CILK1: variants seen among roughly 807,000 people sequenced by gnomAD.
CILK1 encodes the protein ciliogenesis associated kinase 1.
In CILK1, 47 loss-of-function variants were observed where a neutral mutation model predicts 79.2. That is an observed-to-expected ratio of 0.59 (90% CI 0.47 to 0.76). CILK1 has a LOEUF of 0.76. Ranked by LOEUF, CILK1 falls within the 30% of genes least tolerant of loss-of-function variation. The pLI is 0.00. For missense variants in CILK1, 660 were observed against 769.5 expected (o/e 0.86, Z 1.68); for synonymous variants, 266 against 275.9 (o/e 0.96, Z 0.36).
In CILK1 at chr6:53,018,315, G is replaced by T; in HGVS notation, c.663+15C>A. ...TGTTGGCTTTGGCCCACTGGCCTTT[G>T]TTTTGTATCATTACCTTTTTTGGTG... On this transcript the variant is annotated intron_variant, in intron 7 of 13. Coordinates refer to ENST00000676107, the MANE Select transcript of CILK1 (RefSeq NM_014920.5). The T allele has an allele frequency of 5.6e-6, 9 of 1,613,694 alleles. No homozygotes were observed. The highest frequency in any genetic ancestry group is 6.8e-6 in the Non-Finnish European group (8 of 1,179,680).
At chr6:53,011,513 C>T (rs1327439387) in intron 11 of CILK1, among the ~76,000 whole-genome samples, 18 of 152,084 alleles carry the variant, frequency 1.2e-4, no homozygotes, top group African/African-American at 1.4e-4. Context: ...TCAGGAGAAT[C>T]GCTTGAACCC....
intron 4 of CILK1, among the ~76,000 whole-genome samples, 199 bp downstream of exon 4, chr6:53,032,334 G>A (rs781751493): frequency 2.6e-5 from 4 of 151,270 alleles, no homozygotes; most frequent in Non-Finnish European, 4.4e-5. Flanking sequence ...CACCAGCATG[G>A]CACATGTATA....
At chr6:53,032,821 T>G (rs1215171805) in intron 3 of CILK1, among the ~76,000 whole-genome samples, 167 bp from the exon 4 acceptor site, 1 of 152,214 alleles carries the variant, frequency 6.6e-6, no homozygotes, top group Non-Finnish European at 1.5e-5. Flanking sequence ...CCTCTGAAAT[T>G]TATAATAACT....
Position 53,006,437 on chromosome 6 carries a change from A to G in CILK1, c.1622T>C (p.Val541Ala), listed in dbSNP as rs2127399626. ...ACTAGAACTTGTAGAGCTGGAACCA[A>G]CTGATTTGCAAAAGCAAAAAGCTCA... ...TMSVISKVNSVGSSSTSSSGL... is the reference protein window; with the variant it reads ...TMSVISKVNSAGSSSTSSSGL... Residue 541 changes from valine (V) to alanine (A), a missense_variant and splice_region_variant, in exon 13 of 14, where the codon GTT (valine) becomes GCT (alanine). Val to Ala is a moderately conservative substitution (Grantham distance 64). Coordinates refer to ENST00000676107, the MANE Select transcript of CILK1 (RefSeq NM_014920.5). The G allele has an allele frequency of 1.2e-6, 2 of 1,613,724 alleles. No homozygotes were observed. Among genetic ancestry groups the G allele is most frequent in the African/African-American group, 2.7e-5 (2 of 75,060 alleles).
chr6:53,019,166 A>C (rs547073136), intron 6 of CILK1, 61 bp downstream of exon 6: 2 of 1,482,140 alleles, frequency 1.3e-6, no homozygotes, highest in East Asian at 2.3e-5. Context: ...TATTATCCTT[A>C]GCATAATGAT....
At position 53,001,309 on chromosome 6, in the gene CILK1, T is replaced by C. The variant is rs1160670856; in HGVS notation, c.*3840A>G. ...AACAGAACACTCAAATCAATTTTTC[T>C]TAAACTTCAACTTTATTTGGACCAG... is the stretch of plus-strand genomic sequence containing the variant. On this transcript the variant is annotated 3_prime_UTR_variant, in exon 14 of 14. Coordinates refer to ENST00000676107, the MANE Select transcript of CILK1 (RefSeq NM_014920.5). The C allele has an allele frequency of 6.6e-6, 1 of 152,230 alleles. No homozygotes were observed. Among genetic ancestry groups the C allele is most frequent in the Non-Finnish European group, 1.5e-5 (1 of 68,052 alleles). The allele number at this position is 152,230 out of a possible 1,614,324, so 9.4% of individuals were successfully genotyped here. A position where few individuals can be genotyped will look rare whatever the true frequency, so the allele number is the denominator to read the frequency against.
chr6:53,028,644 G>T (rs1463953733), intron 5 of CILK1, among the ~76,000 whole-genome samples: 2 of 152,186 alleles, frequency 1.3e-5, no homozygotes, highest in Non-Finnish European at 2.9e-5. Context: ...AGAATCTCTG[G>T]TAATGGCAAT....
intron 1 of CILK1, among the ~76,000 whole-genome samples, chr6:53,050,084 T>G (rs574486793): frequency 6.6e-6 from 1 of 152,298 alleles, no homozygotes; most frequent in East Asian, 1.9e-4. Context: ...AGTGTATTAA[T>G]GTTAATACAT....
chr6:53,029,711 T>C (rs988110867), intron 5 of CILK1, among the ~76,000 whole-genome samples: 1 of 152,180 alleles, frequency 6.6e-6, no homozygotes, highest in Non-Finnish European at 1.5e-5. Context: ...GGGCAGCATA[T>C]TGAGACCTTC....
intron 5 of CILK1, among the ~76,000 whole-genome samples, chr6:53,026,349 A>T (rs1398277746): frequency 6.6e-6 from 1 of 152,060 alleles, no homozygotes; most frequent in African/African-American, 2.4e-5. Context: ...GGGTTTCGCC[A>T]TGTTGGTCAG....
intron 5 of CILK1, among the ~76,000 whole-genome samples, chr6:53,023,993 C>T (rs1282694231): frequency 6.6e-6 from 1 of 152,192 alleles, no homozygotes; most frequent in African/African-American, 2.4e-5. Flanking sequence ...TTCCTTCCCA[C>T]CACGGGGTTG....
In CILK1 at chr6:53,007,711, C is replaced by A. The variant is rs533199310; in HGVS notation, c.1622-1274G>T. Among the ~76,000 whole-genome samples the A allele has an allele frequency of 3.9e-5, 6 of 151,952 alleles. No individual in the cohort carries two copies. The South Asian group carries it at 1.2e-3, about 32-fold the overall frequency. ...ATGGGAGACCCAGGCGGGTGGATCACCTGAGGTCAGGAGTTCGAGACCAGC... is the reference window on the plus strand; with the variant it reads ...ATGGGAGACCCAGGCGGGTGGATCAACTGAGGTCAGGAGTTCGAGACCAGC... On this transcript the variant is annotated intron_variant, in intron 12 of 13. Coordinates refer to ENST00000676107, the MANE Select transcript of CILK1 (RefSeq NM_014920.5).
intron 11 of CILK1, among the ~76,000 whole-genome samples, chr6:53,010,717 T>C (rs891756548): frequency 6.6e-6 from 1 of 152,192 alleles, no homozygotes; most frequent in East Asian, 1.9e-4. Flanking sequence ...TTCCTTCTCA[T>C]TCTTTGGGGC....
intron 7 of CILK1, among the ~76,000 whole-genome samples, chr6:53,017,324 AAAT>A (rs1764950725): frequency 6.6e-6 from 1 of 152,210 alleles, no homozygotes; most frequent in African/African-American, 2.4e-5. Flanking sequence ...CTATGTACGC[AAAT>A]AATAATATTA....
At chr6:53,053,183 C>T (rs1344627054) in intron 1 of CILK1, among the ~76,000 whole-genome samples, 2 of 152,100 alleles carry the variant, frequency 1.3e-5, no homozygotes, top group African/African-American at 4.8e-5. Flanking sequence ...TTATTTTCCT[C>T]CTCTGCCCTG....
chr6:53,024,178 T>C (rs542999435), intron 5 of CILK1, among the ~76,000 whole-genome samples: 3 of 152,358 alleles, frequency 2.0e-5, no homozygotes, highest in Admixed American at 6.5e-5. Flanking sequence ...ATCCTGCCAT[T>C]GTACTGGTAC....
chr6:53,051,533 C>T (rs1767483839), intron 1 of CILK1, among the ~76,000 whole-genome samples: 1 of 152,234 alleles, frequency 6.6e-6, no homozygotes, highest in African/African-American at 2.4e-5. Context: ...TCACCCCAGT[C>T]TCTGCCTCTA....
chr6:53,005,081 A>G lies in CILK1; in HGVS notation c.*68T>C, dbSNP rs949397468. ...TGCCCTCTGCACATCTTGCAGGTAG[A>G]ACACCAGTCAGCTGAGGGAAAGTAT... On this transcript the variant is annotated 3_prime_UTR_variant, in exon 14 of 14. Transcript: ENST00000676107. The G allele has an allele frequency of 1.3e-6, 2 of 1,574,634 alleles. No individual in the cohort carries two copies. Among genetic ancestry groups the G allele is most frequent in the Non-Finnish European group, 1.7e-6 (2 of 1,146,956 alleles).
At chr6:53,014,478 T>G (rs1764778390) in intron 8 of CILK1, among the ~76,000 whole-genome samples, 1 of 152,226 alleles carries the variant, frequency 6.6e-6, no homozygotes, top group Non-Finnish European at 1.5e-5. Flanking sequence ...TAGTTAACCC[T>G]TCCCTATCAA....
Sources: gnomAD v4.1 joint callset for allele counts (sites outside exome capture counted in the v4.1 genomes callset) on GRCh38, gnomAD v4.1.1 for gene constraint, MANE v1.5 for transcripts, NCBI Gene and HGNC (gene_info 2026-07-23, HGNC 2026-07-21) for gene names.